The following MTIF2 variants were observed in gnomAD, a reference collection of about 807,000 sequenced individuals.
MTIF2 encodes mitochondrial translational initiation factor 2.
Under a neutral mutation model 83.5 loss-of-function variants are expected in MTIF2, and 71 were observed. That is an observed-to-expected ratio of 0.85 (90% CI 0.70 to 1.04). The LOEUF (loss-of-function observed/expected upper bound fraction) is 1.04. MTIF2 is among the 50% of genes least tolerant of loss of function. The pLI is 0.00. For synonymous variants in MTIF2, 319 were observed against 287.1 expected, an observed-to-expected ratio of 1.11 and a Z score of -1.12; for missense variants, 957 against 846.5, an observed-to-expected ratio of 1.13 and a Z score of -1.62.
chr2:55,238,492 A>T (rs1676062288), intron 14 of MTIF2, among the ~76,000 whole-genome samples: 1 of 151,216 alleles, frequency 6.6e-6, no homozygotes, highest in Admixed American at 6.6e-5. Flanking sequence ...CCTGGGTTCA[A>T]GCGATTCTCC....
At chr2:55,261,019 C>T (rs1454282314) in intron 5 of MTIF2, among the ~76,000 whole-genome samples, 1 of 151,432 alleles carries the variant, frequency 6.6e-6, no homozygotes, top group African/African-American at 2.4e-5. Context: ...TGGAGTCTCG[C>T]TCTGTCGTCC....
chr2:55,264,978 C>T (rs763155382), intron 3 of MTIF2, among the ~76,000 whole-genome samples: 2 of 152,028 alleles, frequency 1.3e-5, no homozygotes, highest in African/African-American at 2.4e-5. Context: ...TGTGGTGGCT[C>T]ATGCCTGTAA....
chr2:55,243,729 C>T, intron 11 of MTIF2, 61 bp from the exon 12 acceptor site: 1 of 1,540,104 alleles, frequency 6.5e-7, no homozygotes, highest in African/African-American at 1.4e-5. Context: ...TAGATTAAAG[C>T]CTTTGTGTTG....
chr2:55,245,816 A>G (rs1166101379), intron 10 of MTIF2, among the ~76,000 whole-genome samples: 2 of 152,258 alleles, frequency 1.3e-5, no homozygotes, highest in Admixed American at 6.5e-5. Context: ...GTGTTCTGAC[A>G]GAATCTTAAC....
intron 1 of MTIF2, 78 bp downstream of exon 1, chr2:55,269,091 T>G (rs189749717): frequency 1.8e-4 from 28 of 152,414 alleles, no homozygotes; most frequent in African/African-American, 5.5e-4. Flanking sequence ...TTTGTGCCAC[T>G]GACACGTTAG....
At chr2:55,237,253 G>C (rs754199392) in intron 15 of MTIF2, 35 bp downstream of exon 15, 27 of 1,590,680 alleles carry the variant, frequency 1.7e-5, no homozygotes, top group Non-Finnish European at 2.2e-5. Flanking sequence ...TTGGTGACTG[G>C]ATATGCTATT....
At chr2:55,266,336 C>A (rs1048387828) in intron 3 of MTIF2, 1 of 151,838 alleles carries the variant, frequency 6.6e-6, no homozygotes, top group African/African-American at 2.4e-5. Context: ...CCAGCCTGAC[C>A]GACATGGTGA....
In MTIF2 at chr2:55,249,372, TTATA is replaced by T. The variant is rs763121789; in HGVS notation, c.981+19_981+22del. ...GTACAGCATTCCCATCCAGGCATAT[TTATA>T]TGAGGTCCCCGCATTTACCGTAAGT... On this transcript the variant is annotated intron_variant, in intron 9 of 15. Transcript: ENST00000263629. 4 of 1,611,980 alleles carry T rather than the reference TTATA, an allele frequency of 2.5e-6. No individual in the cohort carries two copies. The East Asian group carries it at 6.7e-5, about 27-fold the overall frequency.
At chr2:55,243,709 C>A in intron 11 of MTIF2, 41 bp from the exon 12 acceptor site, 1 of 1,590,638 alleles carries the variant, frequency 6.3e-7, no homozygotes, top group South Asian at 1.1e-5. Flanking sequence ...AAATAGACAT[C>A]AATAACTGCT....
intron 3 of MTIF2, among the ~76,000 whole-genome samples, chr2:55,264,527 C>G (rs1422934628): frequency 1.3e-5 from 2 of 152,102 alleles, no homozygotes; most frequent in East Asian, 1.9e-4. Flanking sequence ...GCCACCATGC[C>G]CAGCCTTACT....
At chr2:55,257,219 C>G (rs1405681615) in intron 5 of MTIF2, among the ~76,000 whole-genome samples, 1 of 152,262 alleles carries the variant, frequency 6.6e-6, no homozygotes, top group Admixed American at 6.5e-5. Context: ...GTGGCTCACA[C>G]CTATAATCCC....
chr2:55,255,914 T>C (rs1297233457), intron 5 of MTIF2, among the ~76,000 whole-genome samples: 1 of 152,052 alleles, frequency 6.6e-6, no homozygotes, highest in Non-Finnish European at 1.5e-5. Context: ...TTCGCTTTTG[T>C]TACCCAGGCT....
At chr2:55,250,783 T>C (rs889829596) in intron 8 of MTIF2, among the ~76,000 whole-genome samples, 39 of 152,260 alleles carry the variant, frequency 2.6e-4, no homozygotes, top group African/African-American at 9.4e-4. Flanking sequence ...TTTTAAAAGA[T>C]ACAAAAAAGT....
chr2:55,259,482 T>C (rs1677793304), intron 5 of MTIF2, among the ~76,000 whole-genome samples: 2 of 133,348 alleles, frequency 1.5e-5, no homozygotes, highest in Admixed American at 1.7e-4. Context: ...CCTCTATGTG[T>C]ATAGGGGTAG....
intron 5 of MTIF2, 127 bp downstream of exon 5, chr2:55,262,189 A>G (rs1573917869): frequency 4.3e-6 from 3 of 699,620 alleles, no homozygotes; most frequent in East Asian, 2.7e-5. Flanking sequence ...AGAATATTAC[A>G]ATGACTTAAT....
intron 12 of MTIF2, 101 bp from the exon 13 acceptor site, chr2:55,243,181 T>A: frequency 7.9e-7 from 1 of 1,260,062 alleles, no homozygotes; most frequent in Admixed American, 2.9e-5. Context: ...GGAATGTCAT[T>A]TATCACTAAA....
chr2:55,250,837 C>G (rs574872027), intron 8 of MTIF2, among the ~76,000 whole-genome samples: 1 of 151,970 alleles, frequency 6.6e-6, no homozygotes, highest in Admixed American at 6.6e-5. Context: ...ACATTCTGGC[C>G]GGGCACGGTG....
Position 55,243,093 on chromosome 2 carries a change from A to G in MTIF2, c.1565-13T>C, listed in dbSNP as rs1676442078. 1.3e-6 allele frequency: 2 copies of G among 1,580,178 alleles called. No homozygotes were observed. Among genetic ancestry groups the G allele is most frequent in the Non-Finnish European group, 1.7e-6 (2 of 1,168,092 alleles). ...CCATCAACATCACCTAAATACAGAA[A>G]AAGTTTATAATTGTTGCTTTTAAGA... On this transcript the variant is annotated splice_polypyrimidine_tract_variant and intron_variant, in intron 12 of 15. Coordinates refer to ENST00000263629, the MANE Select transcript of MTIF2 (RefSeq NM_002453.3).
chr2:55,237,452 T>C, intron 14 of MTIF2, 24 bp from the exon 15 acceptor site: 1 of 1,572,288 alleles, frequency 6.4e-7, no homozygotes. Context: ...AGAACATTAA[T>C]GTGCAGAAAA....
Sources: allele counts gnomAD v4.1 joint callset (sites outside exome capture counted in the v4.1 genomes callset), GRCh38; gene constraint gnomAD v4.1.1; transcripts MANE v1.5; gene names NCBI Gene and HGNC (gene_info 2026-07-23, HGNC 2026-07-21).